Variants in NIBAN3 observed in about 807,000 individuals in gnomAD.
NIBAN3 encodes the protein protein Niban 3.
A neutral mutation model predicts 76.4 loss-of-function variants in NIBAN3; 66 were observed. That is an observed-to-expected ratio of 0.86 (90% CI 0.71 to 1.06). NIBAN3 has a LOEUF of 1.06. Among genes scored for constraint, NIBAN3 ranks in the 50% least tolerant of loss-of-function variants. The pLI, the probability that NIBAN3 is intolerant of heterozygous loss-of-function variation, is 0.00. For synonymous variants in NIBAN3, 360 were observed against 355.2 expected (o/e 1.01, Z -0.15); for missense variants, 808 against 810.7 (o/e 1.00, Z 0.04).
chr19:17,532,042 T>G (rs1375996361), intron 2 of NIBAN3, among the ~76,000 whole-genome samples: 1 of 152,220 alleles, frequency 6.6e-6, no homozygotes, highest in Non-Finnish European at 1.5e-5. Flanking sequence ...TGAGATTTTT[T>G]GCCTCTCCGG....
At chr19:17,528,143 G>A (rs2075643431) in intron 1 of NIBAN3, among the ~76,000 whole-genome samples, 1 of 151,886 alleles carries the variant, frequency 6.6e-6, no homozygotes, top group African/African-American at 2.4e-5. Context: ...CCAGGCTAGA[G>A]TGCAGTGGCG....
intron 1 of NIBAN3, among the ~76,000 whole-genome samples, chr19:17,530,270 G>A (rs143408177): frequency 6.6e-6 from 1 of 152,022 alleles, no homozygotes; most frequent in African/African-American, 2.4e-5. Flanking sequence ...GCAGTGAGCT[G>A]TGATCGTGCC....
At chr19:17,524,974 G>A (rs1287150955), upstream of NIBAN3, among the ~76,000 whole-genome samples, 1 of 152,244 alleles carries the variant, frequency 6.6e-6, no homozygotes, top group African/African-American at 2.4e-5. Flanking sequence ...CCATTGGACA[G>A]CCATGGGCTC....
chr19:17,546,402 G>A (rs2076055708), intron 12 of NIBAN3: 1 of 284,836 alleles, frequency 3.5e-6, no homozygotes, highest in South Asian at 1.2e-4. Context: ...TTTTAGTAGA[G>A]ACGGTGGTTT....
intron 2 of NIBAN3, 126 bp from the exon 3 acceptor site, chr19:17,532,137 C>T: frequency 7.9e-7 from 1 of 1,269,290 alleles, no homozygotes; most frequent in Non-Finnish European, 1.1e-6. Context: ...CTAGGACTCT[C>T]TCTGTCCAGC....
rs147168339 is a variant in NIBAN3, at chr19:17,530,927, G to A, written c.186+42G>A. Reference sequence around the variant, plus strand: ...CAGAGGACGTTTGAGTGTTAGGGGAGGGTCCTGGAGGAGCCCTCCCTAGGC... The same window carrying A: ...CAGAGGACGTTTGAGTGTTAGGGGAAGGTCCTGGAGGAGCCCTCCCTAGGC... On this transcript the variant is annotated intron_variant, in intron 2 of 14. Transcript: ENST00000599164. The A allele has an allele frequency of 1.3e-4, 206 of 1,590,038 alleles. No individual in the cohort carries two copies. In the African/African-American group the frequency reaches 2.1e-3, roughly 16 times the overall value.
In NIBAN3 at chr19:17,552,644, A is replaced by C. The variant is rs1340640053; in HGVS notation, c.*746A>C. ...CTAAATTGAACTTACAAATAAGTTT[A>C]TTATGGCCAGGCGTGGCAGTGCACA... On this transcript the variant is annotated 3_prime_UTR_variant, in exon 15 of 15. Coordinates refer to ENST00000599164, the MANE Select transcript of NIBAN3 (RefSeq NM_001321827.2). 1 of 152,110 alleles carries C rather than the reference A, an allele frequency of 6.6e-6. No homozygotes were observed. Among genetic ancestry groups the C allele is most frequent in the African/African-American group, 2.4e-5 (1 of 41,424 alleles). The allele number at this position is 152,110 out of a possible 1,614,324, so 9.4% of individuals were successfully genotyped here.
chr19:17,530,985 A>T, intron 2 of NIBAN3, 100 bp downstream of exon 2: 1 of 1,349,470 alleles, frequency 7.4e-7, no homozygotes. Flanking sequence ...TGCCATTGCC[A>T]TAGGATGACT....
Position 17,539,175 on chromosome 19 carries a change from T to C in NIBAN3, c.621T>C (p.Ala207=), listed in dbSNP as rs1451783715. 6 of 1,600,020 alleles carry C rather than the reference T, an allele frequency of 3.7e-6. No individual in the cohort carries two copies. The highest frequency in any genetic ancestry group is 1.7e-4 in the Middle Eastern group (1 of 6,058). The change falls in exon 6 of 15, where the codon GCT becomes GCC. Residue 207 remains alanine (A), a synonymous_variant. Transcript: ENST00000599164. Reference sequence around the variant, plus strand: ...TCCTGCAGCGAAGCCAGGCCCCTGCTGCCCGGGCCTTCCTGGACGCCGTCC... The same window carrying C: ...TCCTGCAGCGAAGCCAGGCCCCTGCCGCCCGGGCCTTCCTGGACGCCGTCC... ...GIVLQRSQAP[A]ARAFLDAVRL...
At chr19:17,539,324 GC>G (rs1204049898) in intron 6 of NIBAN3, 22 bp from the exon 7 acceptor site, 21 of 1,551,230 alleles carry the variant, frequency 1.4e-5, no homozygotes, top group Non-Finnish European at 1.7e-5. Context: ...CGACCGCGGC[GC>G]CCATGGCCCC....
At chr19:17,530,941 C>A in intron 2 of NIBAN3, 56 bp downstream of exon 2, 2 of 1,573,854 alleles carry the variant, frequency 1.3e-6, no homozygotes, top group Non-Finnish European at 1.7e-6. Flanking sequence ...CCTGGAGGAG[C>A]CCTCCCTAGG....
At chr19:17,532,514 G>A in intron 3 of NIBAN3, 126 bp downstream of exon 3, 1 of 1,458,688 alleles carries the variant, frequency 6.9e-7, no homozygotes, top group South Asian at 1.2e-5. Flanking sequence ...GATGAATCTT[G>A]TGCCCCTATG....
Position 17,540,952 on chromosome 19 carries a change from T to C in NIBAN3, c.1170+370T>C, listed in dbSNP as rs544091925. Among the ~76,000 whole-genome samples the C allele has an allele frequency of 2.1e-3, 314 of 151,734 alleles. 1 individual carries two copies. The highest frequency in any genetic ancestry group is 7.7e-3 in the South Asian group (37 of 4,802). On this transcript the variant is annotated intron_variant, in intron 9 of 14. Transcript: ENST00000599164. The stretch of plus-strand genomic sequence containing the variant: ...GGTCTTGCTTTGTTGCCCAGGCTGG[T>C]CTCAAACTCCTGGGCTCAAGCGATC...
Position 17,551,108 on chromosome 19 carries a change from A to T in NIBAN3, c.1751-678A>T, listed in dbSNP as rs534306058. Among the ~76,000 whole-genome samples the T allele has an allele frequency of 1.7e-3, 253 of 150,982 alleles. 3 individuals carry two copies. Among genetic ancestry groups the T allele is most frequent in the Admixed American group, 4.3e-3 (65 of 15,118 alleles). ...TTTCTTTTTATTTATTTATTTATTTATTTTTTGAGATGGAGTGTCGCTCTG... is the reference window on the plus strand; with the variant it reads ...TTTCTTTTTATTTATTTATTTATTTTTTTTTTGAGATGGAGTGTCGCTCTG... On this transcript the variant is annotated intron_variant, in intron 14 of 14. Transcript: ENST00000599164.
Position 17,534,804 on chromosome 19 carries a change from A to G in NIBAN3, c.427+1103A>G, listed in dbSNP as rs8100194. 1.6e-3 allele frequency among the ~76,000 whole-genome samples: 231 copies of G among 147,630 alleles called. 2 individuals are homozygous for G. The highest frequency in any genetic ancestry group is 1.7e-3 in the Non-Finnish European group (114 of 67,054). On this transcript the variant is annotated intron_variant, in intron 4 of 14. Coordinates refer to ENST00000599164, the MANE Select transcript of NIBAN3 (RefSeq NM_001321827.2). ...AGACTCCATCTCAAAAAAAAAAAAA[A>G]AAAGAAAAGAAAAGAAATTAGAGAA... is the stretch of plus-strand genomic sequence containing the variant.
chr19:17,530,286 A>T (rs1015170197), intron 1 of NIBAN3, among the ~76,000 whole-genome samples: 11 of 152,034 alleles, frequency 7.2e-5, no homozygotes, highest in African/African-American at 2.7e-4. Context: ...GTGCCAGCGC[A>T]CTCCAGCCTG....
In NIBAN3 at chr19:17,551,839, TCTGGTG is replaced by T. The variant is rs2076162304; in HGVS notation, c.1806_1811del (p.Gly603_Ala604del). ...AGGGGCTTGTCCCAGGCAGCCAGACTCTGGTGCCCAGATCCAGCCACTCTGCCCACC... is the reference window on the plus strand; with the variant it reads ...AGGGGCTTGTCCCAGGCAGCCAGACTCCCAGATCCAGCCACTCTGCCCACC... On this transcript the variant is annotated inframe_deletion, in exon 15 of 15. Coordinates refer to ENST00000599164, the MANE Select transcript of NIBAN3 (RefSeq NM_001321827.2). 1 of 780,224 alleles carries T rather than the reference TCTGGTG, an allele frequency of 1.3e-6. No homozygotes were observed. The highest frequency in any genetic ancestry group is 1.7e-5 in the Admixed American group (1 of 59,000). 48.3% of individuals were successfully genotyped at this position (780,224 alleles called of 1,614,324 possible).
In NIBAN3 at chr19:17,553,475, T is replaced by A; in HGVS notation, c.*1577T>A. Reference sequence around the variant, plus strand: ...TTCCACAGGGATTCCCGTGTGTTCTTGGTTCAGCTTGCAGAGGGACTTTCA... The same window carrying A: ...TTCCACAGGGATTCCCGTGTGTTCTAGGTTCAGCTTGCAGAGGGACTTTCA... On this transcript the variant is annotated 3_prime_UTR_variant, in exon 15 of 15. Coordinates refer to ENST00000599164, the MANE Select transcript of NIBAN3 (RefSeq NM_001321827.2). 1 of 1,614,214 alleles carries A rather than the reference T, an allele frequency of 6.2e-7. No homozygotes were observed. The highest frequency in any genetic ancestry group is 8.5e-7 in the Non-Finnish European group (1 of 1,180,048).
chr19:17,544,432 C>T (rs1242381660), intron 12 of NIBAN3, among the ~76,000 whole-genome samples: 1 of 152,152 alleles, frequency 6.6e-6, no homozygotes, highest in African/African-American at 2.4e-5. Context: ...ATGGGTCCCA[C>T]ACATCGCATA....
Sources: gnomAD v4.1 joint callset for allele counts (sites outside exome capture counted in the v4.1 genomes callset) on GRCh38, gnomAD v4.1.1 for gene constraint, MANE v1.5 for transcripts, NCBI Gene and HGNC (gene_info 2026-07-23, HGNC 2026-07-21) for gene names.